Variants in HJURP observed in about 807,000 individuals in gnomAD.
HJURP encodes 14-3-3-associated AKT substrate.
HJURP carries 49 observed loss-of-function variants against 72.0 expected under a neutral mutation model. The observed-to-expected ratio is 0.68, with a 90% CI of 0.54 to 0.86. HJURP has a LOEUF of 0.86. Among genes scored for constraint, HJURP ranks in the 40% least tolerant of loss-of-function variants. HJURP has a pLI of 0.00. For missense variants in HJURP, 908 were observed against 936.3 expected (o/e 0.97, Z 0.39); for synonymous variants, 357 against 347.1 (o/e 1.03, Z -0.32).
intron 5 of HJURP, 89 bp downstream of exon 5, chr2:233,847,308 G>A (rs1705385454): frequency 8.1e-6 from 8 of 990,972 alleles, no homozygotes; most frequent in African/African-American, 3.2e-5. Flanking sequence ...TGCAGGCAGC[G>A]CTGCCCGCCT....
chr2:233,852,708 A>G, intron 2 of HJURP, 88 bp from the exon 3 acceptor site: 1 of 963,042 alleles, frequency 1.0e-6, no homozygotes, highest in Non-Finnish European at 1.6e-6. Context: ...CCAAAGTGAC[A>G]GGCAAAAAAA....
chr2:233,848,551 CT>C (rs2124973466), intron 4 of HJURP, among the ~76,000 whole-genome samples: 1 of 152,254 alleles, frequency 6.6e-6, no homozygotes, highest in East Asian at 1.9e-4. Context: ...ACAGGGATGC[CT>C]TGGCCATGAG....
intron 7 of HJURP, 49 bp downstream of exon 7, chr2:233,844,156 A>C (rs375251638): frequency 6.5e-7 from 1 of 1,528,664 alleles, no homozygotes; most frequent in South Asian, 1.1e-5. Flanking sequence ...AGCTCCAACA[A>C]AAGTGAAGGA....
At chr2:233,837,753 T>C (rs777031860) in intron 8 of HJURP, 101 bp from the exon 9 acceptor site, 5 of 731,464 alleles carry the variant, frequency 6.8e-6, no homozygotes, top group South Asian at 1.6e-5. Context: ...TTCCATTGCA[T>C]GTATAAAAAT....
chr2:233,852,827 C>G (rs1358666628), intron 2 of HJURP, among the ~76,000 whole-genome samples: 2 of 152,182 alleles, frequency 1.3e-5, no homozygotes, highest in African/African-American at 4.8e-5. Context: ...TCTCTCCTAC[C>G]TACTAGAAAA....
intron 2 of HJURP, 55 bp from the exon 3 acceptor site, chr2:233,852,675 G>A: frequency 7.6e-7 from 1 of 1,314,938 alleles, no homozygotes; most frequent in South Asian, 1.2e-5. Flanking sequence ...CTGAACTTCT[G>A]CTCAATCTGT....
rs540484129 is a variant in HJURP, at chr2:233,842,940, G to A, written c.575-735C>T. Among the ~76,000 whole-genome samples, 3 of 152,306 alleles carry A rather than the reference G, an allele frequency of 2.0e-5. No individual in the cohort carries two copies. In the South Asian group the frequency reaches 6.2e-4, roughly 32 times the overall value. On this transcript the variant is annotated intron_variant, in intron 7 of 8. Transcript: ENST00000411486. ...GAAGTGCTCAAAAACGCATGTCGTT[G>A]CACTACACGACACAAAAGCCAGCCT...
intron 3 of HJURP, among the ~76,000 whole-genome samples, chr2:233,851,056 T>C (rs1051040047): frequency 3.3e-5 from 5 of 152,176 alleles, no homozygotes; most frequent in Non-Finnish European, 7.4e-5. Flanking sequence ...AGTTTCCTAA[T>C]CCCAAGAAAG....
chr2:233,852,407 C>G (rs551217740), intron 3 of HJURP, among the ~76,000 whole-genome samples, 158 bp downstream of exon 3: 8 of 152,168 alleles, frequency 5.3e-5, no homozygotes, highest in Non-Finnish European at 1.2e-4. Flanking sequence ...AGAAGAAATG[C>G]TTCTAAATCC....
At chr2:233,842,350 G>C (rs1705254640) in intron 7 of HJURP, 145 bp from the exon 8 acceptor site, 1 of 639,044 alleles carries the variant, frequency 1.6e-6, no homozygotes, top group Admixed American at 3.3e-5. Context: ...TGTAGGAGTA[G>C]ACTCTTCTCA....
rs369582958 is a variant in HJURP, at chr2:233,853,925, G to A, written c.118-15C>T. ...GGCTGGTTGTACTGCGGAGGAGGAA[G>A]GGGCTTCCTGTCAGGTTCCAGGGCC... On this transcript the variant is annotated splice_polypyrimidine_tract_variant and intron_variant, in intron 1 of 8. Coordinates refer to ENST00000411486, the MANE Select transcript of HJURP (RefSeq NM_018410.5). 128 of 1,612,826 alleles carry A rather than the reference G, an allele frequency of 7.9e-5. No individual in the cohort carries two copies. In the African/African-American group the frequency reaches 1.6e-3, roughly 20 times the overall value.
intron 8 of HJURP, 80 bp downstream of exon 8, chr2:233,840,527 CAA>C (rs1677683639): frequency 1.4e-6 from 2 of 1,390,372 alleles, no homozygotes; most frequent in Non-Finnish European, 2.0e-6. Flanking sequence ...AAACGTGGCG[CAA>C]AGATTCCTAC....
chr2:233,854,501 C>G lies in HJURP; in HGVS notation c.-1G>C, dbSNP rs777716149. ...CCATGGCGCGCAGCGTACCCAGCAT[C>G]GGACCCAGCCAGTACCCAAGCGCCA... On this transcript the variant is annotated 5_prime_UTR_variant, in exon 1 of 9. Transcript: ENST00000411486. 1 of 1,607,824 alleles carries G rather than the reference C, an allele frequency of 6.2e-7. No individual in the cohort carries two copies. The highest frequency in any genetic ancestry group is 8.5e-7 in the Non-Finnish European group (1 of 1,176,508).
Position 233,837,265 on chromosome 2 carries a change from G to A in HJURP, c.*312C>T, listed in dbSNP as rs1290060045. On this transcript the variant is annotated 3_prime_UTR_variant, in exon 9 of 9. Coordinates refer to ENST00000411486, the MANE Select transcript of HJURP (RefSeq NM_018410.5). The stretch of plus-strand genomic sequence containing the variant: ...TGTGCCACCGCACTCCAGCCTGGGC[G>A]ATAGAGAGAGACTGTCTCAAAAACA... 7 of 324,492 alleles carry A rather than the reference G, an allele frequency of 2.2e-5. No homozygotes were observed. Among genetic ancestry groups the A allele is most frequent in the Admixed American group, 1.0e-4 (2 of 19,802 alleles). The allele number at this position is 324,492 out of a possible 1,614,324, so 20.1% of individuals were successfully genotyped here. A position where few individuals can be genotyped will look rare whatever the true frequency, so the allele number is the denominator to read the frequency against.
chr2:233,847,620 CT>C (rs1227736781), intron 4 of HJURP, among the ~76,000 whole-genome samples, 159 bp from the exon 5 acceptor site: 1 of 152,196 alleles, frequency 6.6e-6, no homozygotes, highest in East Asian at 1.9e-4. Flanking sequence ...GCCCGTGGTT[CT>C]TAGTAACCCA....
intron 4 of HJURP, among the ~76,000 whole-genome samples, chr2:233,848,482 T>G (rs924190353): frequency 2.0e-5 from 3 of 151,350 alleles, no homozygotes; most frequent in African/African-American, 7.3e-5. Flanking sequence ...GGAGCCCGGG[T>G]GGGGTTGGAG....
At chr2:233,840,505 C>T (rs213555) in intron 8 of HJURP, 104 bp downstream of exon 8, 655,486 of 1,193,640 alleles carry the variant, frequency 0.55, 185,769 homozygotes, top group African/African-American at 0.86. Flanking sequence ...AAGAATTCGG[C>T]TGAGATTCAC....
chr2:233,840,477 G>A, intron 8 of HJURP, 132 bp downstream of exon 8: 1 of 932,016 alleles, frequency 1.1e-6, no homozygotes, highest in Non-Finnish European at 1.6e-6. Flanking sequence ...AGAAAGCTCA[G>A]AAAATGATCA....
chr2:233,840,567 T>A, intron 8 of HJURP, 42 bp downstream of exon 8: 5 of 1,525,088 alleles, frequency 3.3e-6, no homozygotes, highest in Non-Finnish European at 4.4e-6. Context: ...CAAAGAGCAG[T>A]CACTCACATA....
Sources: allele counts gnomAD v4.1 joint callset (sites outside exome capture counted in the v4.1 genomes callset), GRCh38; gene constraint gnomAD v4.1.1; transcripts MANE v1.5; gene names NCBI Gene and HGNC (gene_info 2026-07-23, HGNC 2026-07-21).